The following APBB2 variants were observed in gnomAD, a reference collection of about 807,000 sequenced individuals.
APBB2 encodes the protein Fe65-like 1.
A neutral mutation model predicts 82.5 loss-of-function variants in APBB2; 38 were observed. The ratio of observed to expected loss-of-function variants is 0.46; its 90% CI spans 0.36 to 0.60. The LOEUF is 0.60. APBB2 is among the 20% of genes least tolerant of loss of function. The pLI is 0.00. For missense variants in APBB2, 772 were observed against 972.3 expected, an observed-to-expected ratio of 0.79 and a Z score of 2.74; for synonymous variants, 341 against 368.2, an observed-to-expected ratio of 0.93 and a Z score of 0.85.
At chr4:40,853,355 C>T (rs1339478081) in intron 12 of APBB2, among the ~76,000 whole-genome samples, 1 of 142,914 alleles carries the variant, frequency 7.0e-6, no homozygotes, top group Non-Finnish European at 1.6e-5. Flanking sequence ...TGCCCACAAG[C>T]CCTAAAGGAT....
intron 3 of APBB2, among the ~76,000 whole-genome samples, chr4:41,099,857 G>C (rs889329397): frequency 1.3e-5 from 2 of 152,038 alleles, no homozygotes; most frequent in Non-Finnish European, 2.9e-5. Context: ...GAGGATATTT[G>C]TGTATGTTTC....
intron 6 of APBB2, among the ~76,000 whole-genome samples, chr4:40,959,679 T>G (rs889959923): frequency 6.6e-6 from 1 of 152,214 alleles, no homozygotes; most frequent in African/African-American, 2.4e-5. Context: ...CGTCATGTTT[T>G]GTAAAATCCA....
At chr4:41,099,305 T>C (rs999177701) in intron 3 of APBB2, among the ~76,000 whole-genome samples, 2 of 152,144 alleles carry the variant, frequency 1.3e-5, no homozygotes, top group Non-Finnish European at 2.9e-5. Context: ...CTTGGCTCAC[T>C]GCAACCTCCG....
At position 41,106,948 on chromosome 4, in the gene APBB2, A is replaced by G. The variant is rs1747486445; in HGVS notation, c.-260-6198T>C. On this transcript the variant is annotated intron_variant, in intron 2 of 17. Transcript: ENST00000508593. The stretch of plus-strand genomic sequence containing the variant: ...CTCAAATGCTAATGCAGACATGACA[A>G]AAGGACATAGGAGGAGAAGCTTTAA... Among the ~76,000 whole-genome samples the G allele has an allele frequency of 2.0e-5, 3 of 152,138 alleles. No individual in the cohort carries two copies. In the East Asian group the frequency reaches 5.8e-4, roughly 29 times the overall value.
intron 6 of APBB2, among the ~76,000 whole-genome samples, chr4:40,974,936 T>A (rs1578884549): frequency 6.6e-6 from 1 of 152,336 alleles, no homozygotes; most frequent in African/African-American, 2.4e-5. Flanking sequence ...ACATACCCCT[T>A]TTATCCCAAA....
At chr4:40,842,324 C>T (rs990003599) in intron 12 of APBB2, 4 of 453,580 alleles carry the variant, frequency 8.8e-6, no homozygotes, top group African/African-American at 4.0e-5. Flanking sequence ...TTGCCAGACA[C>T]GTTAAGACAC....
chr4:41,069,332 A>G (rs1008484672), intron 3 of APBB2, among the ~76,000 whole-genome samples: 1 of 152,194 alleles, frequency 6.6e-6, no homozygotes, highest in African/African-American at 2.4e-5. Flanking sequence ...TAGCCAATTC[A>G]GAAATGGAGT....
intron 12 of APBB2, among the ~76,000 whole-genome samples, chr4:40,883,627 CAG>C (rs1156649233): frequency 3.4e-5 from 5 of 149,172 alleles, no homozygotes; most frequent in Non-Finnish European, 7.4e-5. Context: ...CTCTACGGAA[CAG>C]TAGCAAGGCT....
intron 4 of APBB2, among the ~76,000 whole-genome samples, chr4:41,053,688 A>C (rs1726867605): frequency 6.6e-6 from 1 of 152,232 alleles, no homozygotes; most frequent in Admixed American, 6.5e-5. Context: ...CAGAAAACTA[A>C]GAGTATCATA....
At chr4:41,071,419 AC>A (rs1389527739) in intron 3 of APBB2, among the ~76,000 whole-genome samples, 2 of 152,194 alleles carry the variant, frequency 1.3e-5, no homozygotes, top group African/African-American at 2.4e-5. Flanking sequence ...GCTGGCTCAC[AC>A]CTATAATCCT....
intron 4 of APBB2, among the ~76,000 whole-genome samples, chr4:41,049,319 CGT>C (rs1724862248): frequency 9.2e-6 from 1 of 108,880 alleles, no homozygotes; most frequent in Non-Finnish European, 1.9e-5. Flanking sequence ...GCAGCCGCCC[CGT>C]CGGAGAAGTG....
At chr4:41,077,796 A>G (rs2153923469) in intron 3 of APBB2, among the ~76,000 whole-genome samples, 1 of 152,298 alleles carries the variant, frequency 6.6e-6, no homozygotes, top group South Asian at 2.1e-4. Flanking sequence ...TCAATCAAGA[A>G]TTCCCAACGT....
intron 1 of APBB2, among the ~76,000 whole-genome samples, chr4:41,158,159 T>C (rs1160546174): frequency 2.0e-5 from 3 of 152,148 alleles, no homozygotes; most frequent in Non-Finnish European, 4.4e-5. Flanking sequence ...CTCCAAGCTG[T>C]GTGGCCTTGG....
chr4:40,827,844 C>T (rs1750472052), intron 13 of APBB2, among the ~76,000 whole-genome samples: 1 of 152,182 alleles, frequency 6.6e-6, no homozygotes, highest in African/African-American at 2.4e-5. Context: ...GCTGTGTCCT[C>T]ACCCAAATCT....
intron 12 of APBB2, among the ~76,000 whole-genome samples, chr4:40,833,664 C>T (rs1424145126): frequency 1.3e-5 from 2 of 152,186 alleles, no homozygotes; most frequent in African/African-American, 2.4e-5. Flanking sequence ...CACCCACATT[C>T]GAGTCTCAGC....
chr4:40,904,584 T>C (rs1486469355), intron 10 of APBB2, among the ~76,000 whole-genome samples: 4 of 151,832 alleles, frequency 2.6e-5, no homozygotes, highest in Non-Finnish European at 5.9e-5. Context: ...GCCTCCATAA[T>C]AGAGAAGTTT....
intron 6 of APBB2, among the ~76,000 whole-genome samples, chr4:40,953,478 C>T (rs1200620301): frequency 3.9e-5 from 6 of 151,996 alleles, no homozygotes; most frequent in African/African-American, 9.7e-5. Flanking sequence ...CACCGAGATT[C>T]GCCCGCAGAC....
At chr4:41,027,455 C>T (rs1013570739) in intron 5 of APBB2, among the ~76,000 whole-genome samples, 2 of 148,174 alleles carry the variant, frequency 1.3e-5, no homozygotes, top group South Asian at 4.3e-4. Flanking sequence ...GTACCATTTT[C>T]CATTCCCTCC....
At chr4:40,941,724 G>A (rs2154378960) in intron 7 of APBB2, among the ~76,000 whole-genome samples, 1 of 152,306 alleles carries the variant, frequency 6.6e-6, no homozygotes, top group East Asian at 1.9e-4. Flanking sequence ...TCAAATTTCT[G>A]GGTTCAAGTG....
Sources: allele counts gnomAD v4.1 joint callset (sites outside exome capture counted in the v4.1 genomes callset), GRCh38; gene constraint gnomAD v4.1.1; transcripts MANE v1.5; gene names NCBI Gene and HGNC (gene_info 2026-07-23, HGNC 2026-07-21).